BBS7: variants seen among roughly 807,000 people sequenced by gnomAD.
The protein encoded by BBS7 is Bardet-Biedl syndrome 7, also known as BBSome complex member BBS7.
A neutral mutation model predicts 90.3 loss-of-function variants in BBS7; 50 were observed. That is an observed-to-expected ratio of 0.55 (90% CI 0.44 to 0.70). The LOEUF is 0.70. Among genes scored for constraint, BBS7 ranks in the 30% least tolerant of loss-of-function variants. The pLI is 0.00. For missense variants in BBS7, 729 were observed against 838.9 expected (o/e 0.87, Z 1.62); for synonymous variants, 235 against 287.4 (o/e 0.82, Z 1.85).
chr4:121,835,001 AT>A, intron 14 of BBS7, 142 bp downstream of exon 14: 1 of 794,964 alleles, frequency 1.3e-6, no homozygotes, highest in Non-Finnish European at 1.9e-6. Context: ...TTTATTGGAA[AT>A]ATTAAATCTA....
At chr4:121,838,769 C>A (rs918389208) in intron 13 of BBS7, among the ~76,000 whole-genome samples, 7 of 151,492 alleles carry the variant, frequency 4.6e-5, no homozygotes, top group Middle Eastern at 3.4e-3. Flanking sequence ...GTGGTGGGCA[C>A]CTGTAATCCC....
At position 121,839,710 on chromosome 4, in the gene BBS7, A is replaced by T; in HGVS notation, c.1306-14T>A. On this transcript the variant is annotated splice_polypyrimidine_tract_variant and intron_variant, in intron 12 of 18. Transcript: ENST00000264499. Reference sequence around the variant, plus strand: ...GTTGTCGTTTGACTGGGAAGAATACAAAGTGGAGGAAAAGAATGAATCCAT... The same window carrying T: ...GTTGTCGTTTGACTGGGAAGAATACTAAGTGGAGGAAAAGAATGAATCCAT... 6.2e-7 allele frequency: 1 copy of T among 1,606,712 alleles called. No homozygotes were observed. The highest frequency in any genetic ancestry group is 8.5e-7 in the Non-Finnish European group (1 of 1,173,448).
chr4:121,842,222 C>T (rs1410055362), intron 12 of BBS7, among the ~76,000 whole-genome samples: 1 of 132,878 alleles, frequency 7.5e-6, no homozygotes, highest in Non-Finnish European at 1.5e-5. Flanking sequence ...CACTGCACTC[C>T]AGCCTGGGTG....
rs1388297279 is a variant in BBS7 at position 121,825,278 on chromosome 4, A to G, written c.*582T>C. 1.3e-5 allele frequency: 2 copies of G among 152,304 alleles called. No individual in the cohort carries two copies. The highest frequency in any genetic ancestry group is 2.9e-5 in the Non-Finnish European group (2 of 68,118). The allele number at this position is 152,304 out of a possible 1,614,324, so 9.4% of individuals were successfully genotyped here. A position where few individuals can be genotyped will look rare whatever the true frequency, so the allele number is the denominator to read the frequency against. On this transcript the variant is annotated 3_prime_UTR_variant, in exon 19 of 19. Transcript: ENST00000264499. ...TGCAAATCAATCCTATCTCCTAGAA[A>G]AAACAATTGGTAGGTTATTTCCACT... is the stretch of plus-strand genomic sequence containing the variant.
In BBS7 at chr4:121,861,625, C is replaced by A; in HGVS notation, c.220G>T (p.Val74Phe). The A allele has an allele frequency of 1.9e-6, 3 of 1,613,164 alleles. No individual in the cohort carries two copies. The highest frequency in any genetic ancestry group is 2.5e-6 in the Non-Finnish European group (3 of 1,179,464). Residue 74 changes from valine to phenylalanine, a missense_variant, in exon 4 of 19, where the codon GTT becomes TTT. Transcript: ENST00000264499. ...ATTTTCTCCTGAGGTGTGTTGATAA[C>A]CCCTCCCAGTTCCAGCCTTGCAATC... Reference protein sequence around the residue: ...PKIARLELGGVINTPQEKIFI... With the variant: ...PKIARLELGGFINTPQEKIFI...
At chr4:121,835,954 C>T (rs921488091) in intron 13 of BBS7, among the ~76,000 whole-genome samples, 10 of 152,154 alleles carry the variant, frequency 6.6e-5, no homozygotes, top group Admixed American at 2.6e-4. Context: ...TGCTTCCATA[C>T]GTCTCTCTAC....
chr4:121,829,845 G>C (rs1725096668), intron 15 of BBS7, among the ~76,000 whole-genome samples: 1 of 152,174 alleles, frequency 6.6e-6, no homozygotes, highest in East Asian at 1.9e-4. Context: ...AAAGATAAAA[G>C]CAGAACTGAA....
At chr4:121,868,600 G>C (rs1319497459) in intron 1 of BBS7, among the ~76,000 whole-genome samples, 1 of 136,678 alleles carries the variant, frequency 7.3e-6, no homozygotes, top group Non-Finnish European at 1.5e-5. Context: ...AGGATAACTT[G>C]AGTCCAGGAA....
chr4:121,845,398 T>C, intron 11 of BBS7, 106 bp downstream of exon 11: 5 of 636,696 alleles, frequency 7.9e-6, no homozygotes, highest in Non-Finnish European at 1.2e-5. Context: ...AAAAATAAAA[T>C]AAAATTACTG....
chr4:121,859,508 T>C (rs761083729), intron 4 of BBS7, among the ~76,000 whole-genome samples: 2 of 152,174 alleles, frequency 1.3e-5, no homozygotes, highest in Non-Finnish European at 2.9e-5. Context: ...TTGTGTACTA[T>C]GTGCCAAGCA....
At chr4:121,833,123 A>G in intron 15 of BBS7, 108 bp downstream of exon 15, 1 of 1,066,896 alleles carries the variant, frequency 9.4e-7, no homozygotes, top group South Asian at 1.4e-5. Context: ...CTTGAACAGT[A>G]TAGATTTTCA....
In BBS7 at chr4:121,833,416, C is replaced by T. The variant is rs143418636; in HGVS notation, c.1512-21G>A. On this transcript the variant is annotated intron_variant, in intron 14 of 18. Coordinates refer to ENST00000264499, the MANE Select transcript of BBS7 (RefSeq NM_176824.3). ...TGGGTCTGTAATATAATAGTAGAGG[C>T]GCACATTTATGTGTGGGAATACATG... 4.4e-4 allele frequency: 709 copies of T among 1,611,080 alleles called. 7 individuals carry two copies. The East Asian group carries it at 0.01, about 24-fold the overall frequency.
intron 18 of BBS7, 21 bp downstream of exon 18, chr4:121,828,125 A>G (rs1458112510): frequency 6.2e-7 from 1 of 1,613,266 alleles, no homozygotes; most frequent in South Asian, 1.1e-5. Context: ...ATGGCAAGGT[A>G]TTCTAGAATG....
chr4:121,855,524 G>A lies in BBS7; in HGVS notation c.566C>T (p.Pro189Leu), dbSNP rs1327487618. 2 of 1,613,412 alleles carry A rather than the reference G, an allele frequency of 1.2e-6. No homozygotes were observed. The highest frequency in any genetic ancestry group is 1.6e-4 in the Middle Eastern group (1 of 6,084). The change falls in exon 6 of 19, where the codon CCC becomes CTC. Residue 189 changes from proline to leucine, a missense_variant. Physicochemically the swap from Pro to Leu is moderately conservative, Grantham distance 98. Coordinates refer to ENST00000264499, the MANE Select transcript of BBS7 (RefSeq NM_176824.3). ...ATTGTGTAGTGCTAAGACAGTAGGG[G>A]GTCCAGGAACTTCAACTGCATACAT... ...DVMYAVEVPG[P>L]PTVLALHNGN...
rs147477752 is a variant in BBS7 at position 121,835,018 on chromosome 4, T to C, written c.1511+126A>G. On this transcript the variant is annotated intron_variant, in intron 14 of 18. Transcript: ENST00000264499. ...TATTGGAAATATTAAATCTATAATA[T>C]TTAAACTGTTTATTTAATTTTTAAA... 1.1e-3 allele frequency: 1,000 copies of C among 940,734 alleles called. 14 individuals carry two copies. The African/African-American group carries it at 0.015, about 14-fold the overall frequency. 58.3% of individuals were successfully genotyped at this position (940,734 alleles called of 1,614,324 possible).
At chr4:121,842,266 A>G (rs948274181) in intron 12 of BBS7, among the ~76,000 whole-genome samples, 3 of 151,224 alleles carry the variant, frequency 2.0e-5, no homozygotes, top group Non-Finnish European at 4.4e-5. Flanking sequence ...AAAAAAAAAA[A>G]AAAAGAAAAA....
intron 5 of BBS7, among the ~76,000 whole-genome samples, chr4:121,856,636 C>A (rs921718241): frequency 6.6e-6 from 1 of 151,848 alleles, no homozygotes; most frequent in Non-Finnish European, 1.5e-5. Flanking sequence ...TGCTTGAACC[C>A]GGGAAGCAGA....
At chr4:121,861,707 A>G (rs1014268911) in intron 3 of BBS7, 28 bp from the exon 4 acceptor site, 2 of 1,612,114 alleles carry the variant, frequency 1.2e-6, no homozygotes, top group Non-Finnish European at 1.7e-6. Context: ...GGAAAAAAGT[A>G]CACAAATTAC....
chr4:121,855,026 A>G (rs1293556607), intron 6 of BBS7, among the ~76,000 whole-genome samples: 1 of 152,188 alleles, frequency 6.6e-6, no homozygotes, highest in African/African-American at 2.4e-5. Flanking sequence ...AAGATGAAGA[A>G]ACTAGGTTGG....
Sources: allele counts gnomAD v4.1 joint callset (sites outside exome capture counted in the v4.1 genomes callset), GRCh38; gene constraint gnomAD v4.1.1; transcripts MANE v1.5; gene names NCBI Gene and HGNC (gene_info 2026-07-23, HGNC 2026-07-21).